LRFN2: variants seen among roughly 807,000 people sequenced by gnomAD.
The protein encoded by LRFN2 is leucine-rich repeat and fibronectin type-III domain-containing protein 2.
LRFN2 carries 18 observed loss-of-function variants against 37.3 expected under a neutral mutation model. The ratio of observed to expected loss-of-function variants is 0.48; its 90% CI spans 0.33 to 0.72. The LOEUF is 0.72. Ranked by LOEUF, LRFN2 falls within the 30% of genes least tolerant of loss-of-function variation. The pLI, the probability that LRFN2 is intolerant of heterozygous loss-of-function variation, is 0.02. For missense variants in LRFN2, 1,006 were observed against 1,060.7 expected (o/e 0.95, Z 0.72); for synonymous variants, 556 against 466.6 (o/e 1.19, Z -2.47).
intron 2 of LRFN2, among the ~76,000 whole-genome samples, chr6:40,428,370 C>T (rs1445899631): frequency 6.6e-6 from 1 of 152,220 alleles, no homozygotes; most frequent in East Asian, 1.9e-4. Context: ...AGCATGTGCT[C>T]CTCTTTAATA....
chr6:40,498,546 T>C (rs943457731), intron 1 of LRFN2, among the ~76,000 whole-genome samples: 2 of 152,232 alleles, frequency 1.3e-5, no homozygotes, highest in Non-Finnish European at 2.9e-5. Flanking sequence ...TGCTCCCAAA[T>C]GCAGATATAT....
At chr6:40,476,378 G>A (rs1350286271) in intron 1 of LRFN2, among the ~76,000 whole-genome samples, 3 of 152,318 alleles carry the variant, frequency 2.0e-5, no homozygotes, top group Non-Finnish European at 2.9e-5. Flanking sequence ...AAACCGTCTT[G>A]AATTCCCTTT....
chr6:40,400,692 A>G lies in LRFN2; in HGVS notation c.1401-7780T>C, dbSNP rs572976190. Reference sequence around the variant, plus strand: ...CACCTTGGCCTCCTAAAGTGCTGGGATTACAGGCATGAGCCAACACACCCG... The same window carrying G: ...CACCTTGGCCTCCTAAAGTGCTGGGGTTACAGGCATGAGCCAACACACCCG... On this transcript the variant is annotated intron_variant, in intron 2 of 2. Transcript: ENST00000338305. Among the ~76,000 whole-genome samples, 188 of 151,838 alleles carry G rather than the reference A, an allele frequency of 1.2e-3. 6 individuals carry two copies. The highest frequency in any genetic ancestry group is 2.0e-3 in the Non-Finnish European group (133 of 67,842).
At chr6:40,576,303 ACT>A (rs150427169) in intron 1 of LRFN2, among the ~76,000 whole-genome samples, 166 of 151,804 alleles carry the variant, frequency 1.1e-3, no homozygotes, top group Non-Finnish European at 2.0e-3. Context: ...TGCATTAAAA[ACT>A]GAATTGGAGA....
rs762359520 is a variant in LRFN2 at position 40,432,250 on chromosome 6, C to T, written c.864G>A (p.Pro288=). The change falls in exon 2 of 3, where the codon CCG becomes CCA. Residue 288 remains proline, a synonymous_variant. Coordinates refer to ENST00000338305, the MANE Select transcript of LRFN2 (RefSeq NM_020737.3). The part of the protein sequence containing the change: ...HVREEEFVCE[P]PLITQHTHKL... ...TGTGTGTGTGCTGGGTGATGAGAGG[C>T]GGCTCGCACACAAACTCCTCCTCAC... is the stretch of plus-strand genomic sequence containing the variant. 2.3e-5 allele frequency: 37 copies of T among 1,613,976 alleles called. No homozygotes were observed. Among genetic ancestry groups the T allele is most frequent in the East Asian group, 2.0e-4 (9 of 44,876 alleles).
At chr6:40,576,823 C>T (rs189071818) in intron 1 of LRFN2, among the ~76,000 whole-genome samples, 180 of 152,220 alleles carry the variant, frequency 1.2e-3, no homozygotes, top group Non-Finnish European at 2.2e-3. Flanking sequence ...GGTCCCACCC[C>T]CAGCTCTCCT....
chr6:40,448,276 T>C (rs1266027408), intron 1 of LRFN2, among the ~76,000 whole-genome samples: 4 of 152,152 alleles, frequency 2.6e-5, no homozygotes, highest in Non-Finnish European at 5.9e-5. Context: ...TTTGTGCTTC[T>C]CCTGCAACCC....
intron 1 of LRFN2, among the ~76,000 whole-genome samples, chr6:40,521,208 G>A (rs762599571): frequency 1.3e-5 from 2 of 152,168 alleles, no homozygotes; most frequent in African/African-American, 2.4e-5. Context: ...AAGGGAGGAT[G>A]AGAAGGATTG....
chr6:40,435,445 C>A (rs1482979950), intron 1 of LRFN2, among the ~76,000 whole-genome samples: 4 of 152,158 alleles, frequency 2.6e-5, no homozygotes, highest in Admixed American at 2.6e-4. Flanking sequence ...CAGGCATGAG[C>A]CACCTCGCCT....
At chr6:40,499,323 C>G (rs1765314419) in intron 1 of LRFN2, among the ~76,000 whole-genome samples, 1 of 152,182 alleles carries the variant, frequency 6.6e-6, no homozygotes, top group South Asian at 2.1e-4. Context: ...GGGCCAAGCA[C>G]AGACCCAGTG....
chr6:40,429,251 C>A (rs1014855097), intron 2 of LRFN2, among the ~76,000 whole-genome samples: 5 of 152,202 alleles, frequency 3.3e-5, no homozygotes, highest in Non-Finnish European at 7.3e-5. Context: ...CAGGAGTCTA[C>A]CCCAAGCCCT....
In LRFN2 at chr6:40,463,670, ATTTTTTTTTT is replaced by A. The variant is rs66745321; in HGVS notation, c.-18-30549_-18-30540del. Among the ~76,000 whole-genome samples, 5 of 76,534 alleles carry A rather than the reference ATTTTTTTTTT, an allele frequency of 6.5e-5. No individual in the cohort carries two copies. In the South Asian group the frequency reaches 2.2e-3, roughly 34 times the overall value. The allele number at this position is 76,534 out of a possible 152,430, so 50.2% of individuals were successfully genotyped here. On this transcript the variant is annotated intron_variant, in intron 1 of 2. Transcript: ENST00000338305. ...TACATCATACTATTTCTTTCTTTCT[ATTTTTTTTTT>A]TTTTTTTTTTTTTTGAGGCAGGGTC...
At chr6:40,441,291 G>T (rs1454574651) in intron 1 of LRFN2, among the ~76,000 whole-genome samples, 1 of 152,182 alleles carries the variant, frequency 6.6e-6, no homozygotes, top group African/African-American at 2.4e-5. Context: ...GGGGTGAGGG[G>T]TGTGAACGCG....
Position 40,401,217 on chromosome 6 carries a change from T to C in LRFN2, c.1401-8305A>G, listed in dbSNP as rs549530023. On this transcript the variant is annotated intron_variant, in intron 2 of 2. Coordinates refer to ENST00000338305, the MANE Select transcript of LRFN2 (RefSeq NM_020737.3). ...GTGGAATGACTACCAAACCCCACTC[T>C]CCCCCTCTCTCATGGCTTCCAGTCT... 3.0e-3 allele frequency among the ~76,000 whole-genome samples: 384 copies of C among 125,992 alleles called. 1 individual carries two copies. Among genetic ancestry groups the C allele is most frequent in the Non-Finnish European group, 6.0e-3 (335 of 55,522 alleles). The allele number at this position is 125,992 out of a possible 152,430, so 82.7% of individuals were successfully genotyped here.
chr6:40,439,446 G>A (rs1434562379), intron 1 of LRFN2, among the ~76,000 whole-genome samples: 1 of 152,214 alleles, frequency 6.6e-6, no homozygotes, highest in African/African-American at 2.4e-5. Context: ...GGAGGGACCA[G>A]CTCTGGAGAA....
chr6:40,415,508 G>A (rs1157501205), intron 2 of LRFN2, among the ~76,000 whole-genome samples: 3 of 152,176 alleles, frequency 2.0e-5, no homozygotes, highest in African/African-American at 4.8e-5. Flanking sequence ...TTACAGGCAT[G>A]AGCCACGCAC....
chr6:40,550,347 C>T (rs1372067557), intron 1 of LRFN2, among the ~76,000 whole-genome samples: 3 of 151,562 alleles, frequency 2.0e-5, no homozygotes, highest in Admixed American at 1.3e-4. Flanking sequence ...GGGAAGTGTA[C>T]GGACTGGTAA....
chr6:40,575,978 G>A (rs1767269885), intron 1 of LRFN2, among the ~76,000 whole-genome samples: 1 of 152,050 alleles, frequency 6.6e-6, no homozygotes, highest in African/African-American at 2.4e-5. Flanking sequence ...AATAGCACAG[G>A]GCTCACAGCA....
intron 1 of LRFN2, among the ~76,000 whole-genome samples, chr6:40,533,725 A>G (rs1766396152): frequency 6.6e-6 from 1 of 152,170 alleles, no homozygotes; most frequent in South Asian, 2.1e-4. Context: ...ACAAACAAGT[A>G]TTGCACCCAC....
Sources: gnomAD v4.1 joint callset for allele counts (sites outside exome capture counted in the v4.1 genomes callset) on GRCh38, gnomAD v4.1.1 for gene constraint, MANE v1.5 for transcripts, NCBI Gene and HGNC (gene_info 2026-07-23, HGNC 2026-07-21) for gene names.